Variants in NOS3 observed in about 807,000 individuals in gnomAD.
NOS3 encodes nitric oxide synthase 3.
Under a neutral mutation model 144.9 loss-of-function variants are expected in NOS3, and 98 were observed. The observed-to-expected ratio is 0.68, with a 90% CI of 0.57 to 0.80. The LOEUF is 0.80. Ranked by LOEUF, NOS3 falls within the 30% of genes least tolerant of loss-of-function variation. The pLI is 0.00. For synonymous variants in NOS3, 714 were observed against 702.4 expected, an observed-to-expected ratio of 1.02 and a Z score of -0.26; for missense variants, 1,465 against 1,656.4, an observed-to-expected ratio of 0.88 and a Z score of 2.01.
chr7:150,998,644 T>C lies in NOS3; in HGVS notation c.780T>C (p.Ser260=). 2 of 1,608,428 alleles carry C rather than the reference T, an allele frequency of 1.2e-6. No homozygotes were observed. Among genetic ancestry groups the C allele is most frequent in the Non-Finnish European group, 1.7e-6 (2 of 1,178,712 alleles). The change falls in exon 7 of 27, where the codon TCT becomes TCC. Residue 260 remains serine (S), a synonymous_variant. Coordinates refer to ENST00000297494, the MANE Select transcript of NOS3 (RefSeq NM_000603.5). The surrounding 1 kb of genome is among the most constrained non-coding windows in gnomAD (Gnocchi z 5.0). The part of the protein sequence containing the change: ...RYAGYRQQDG[S]VRGDPANVEI... ...CGGGCTACCGGCAGCAGGATGGCTC[T>C]GTGCGGGGGGACCCAGCCAACGTGG...
At position 151,007,196 on chromosome 7, in the gene NOS3, C is replaced by T. The variant is rs752392123; in HGVS notation, c.2032C>T (p.Arg678Trp). 1.9e-6 allele frequency: 3 copies of T among 1,612,506 alleles called. No homozygotes were observed. The highest frequency in any genetic ancestry group is 1.1e-5 in the South Asian group (1 of 91,052). Residue 678 changes from arginine to tryptophan, a missense_variant, in exon 17 of 27, where the codon CGG becomes TGG. Physicochemically the swap from Arg to Trp is moderately radical, Grantham distance 101. Transcript: ENST00000297494. ...ACGGCTGGAGGAACTGGGCGGGGAG[C>T]GGCTGCTGCAGCTGGGCCAGGGCGA... ...DTRLEELGGE[R>W]LLQLGQGDEL...
In NOS3 at chr7:151,011,566, T is replaced by C. The variant is rs182512915; in HGVS notation, c.2984+580T>C. ...GGTGGAGCTTGCAGTGAGCCAAGATTGTGCCACTGCACTCCAGCCTGGGCG... is the reference window on the plus strand; with the variant it reads ...GGTGGAGCTTGCAGTGAGCCAAGATCGTGCCACTGCACTCCAGCCTGGGCG... On this transcript the variant is annotated intron_variant, in intron 23 of 26. Transcript: ENST00000297494. Among the ~76,000 whole-genome samples the C allele has an allele frequency of 3.8e-3, 518 of 137,402 alleles. 2 individuals carry two copies. Among genetic ancestry groups the C allele is most frequent in the African/African-American group, 0.013 (488 of 37,532 alleles). The allele number at this position is 137,402 out of a possible 152,430, so 90.1% of individuals were successfully genotyped here. A position where few individuals can be genotyped will look rare whatever the true frequency, so the allele number is the denominator to read the frequency against.
chr7:151,008,160 A>C (rs975861002), intron 17 of NOS3, among the ~76,000 whole-genome samples: 16 of 152,226 alleles, frequency 1.1e-4, no homozygotes, highest in African/African-American at 3.9e-4. Flanking sequence ...CCATTACAGC[A>C]TCACCGAACC....
rs1584905989 is a variant in NOS3, at chr7:151,002,455, C to CACACACACACACACACACACACA, written c.1752+151_1752+152insACACACACACACACACACACACA. 1.9e-6 allele frequency: 1 copy of CACACACACACACACACACACACA among 528,578 alleles called. No homozygotes were observed. Among genetic ancestry groups the CACACACACACACACACACACACA allele is most frequent in the Non-Finnish European group, 3.4e-6 (1 of 296,226 alleles). The allele number at this position is 528,578 out of a possible 1,614,324, so 32.7% of individuals were successfully genotyped here. On this transcript the variant is annotated intron_variant, in intron 14 of 26. Transcript: ENST00000297494. This position sits in a 1 kb window ranked among gnomAD's most constrained non-coding sequence, Gnocchi z 4.1. ...ACACACACACACACACACACACACG[C>CACACACACACACACACACACACA]CAGGATGGAAAGGGAGATGCTAAGA... is the stretch of plus-strand genomic sequence containing the variant.
In NOS3 at chr7:151,013,656, C is replaced by T. The variant is rs573597496; in HGVS notation, c.3256-68C>T. On this transcript the variant is annotated intron_variant, in intron 25 of 26. Transcript: ENST00000297494. ...GGAGACTTTCACGTCCAGGGCCAGC[C>T]AGCAGCCCCGGGCTGCGCCCCCGCG... 19 of 1,392,700 alleles carry T rather than the reference C, an allele frequency of 1.4e-5. No homozygotes were observed. In the African/African-American group the frequency reaches 2.6e-4, roughly 19 times the overall value. The allele number at this position is 1,392,700 out of a possible 1,614,324, so 86.3% of individuals were successfully genotyped here.
chr7:151,004,716 A>G (rs1795179686), intron 14 of NOS3, among the ~76,000 whole-genome samples: 1 of 152,254 alleles, frequency 6.6e-6, no homozygotes, highest in Non-Finnish European at 1.5e-5. Flanking sequence ...TTCACTTTAT[A>G]TAAAGTTCAG....
At chr7:151,010,569 T>C in intron 21 of NOS3, 28 bp from the exon 22 acceptor site, 1 of 1,532,490 alleles carries the variant, frequency 6.5e-7, no homozygotes. Flanking sequence ...CTATGGGGCC[T>C]CCAACCCACT....
intron 25 of NOS3, 34 bp from the exon 26 acceptor site, chr7:151,013,690 C>G: frequency 6.6e-7 from 1 of 1,515,742 alleles, no homozygotes; most frequent in Non-Finnish European, 8.9e-7. Context: ...CGCCCACCCC[C>G]ACCAGGGCCC....
intron 4 of NOS3, 57 bp downstream of exon 4, chr7:150,996,609 C>G (rs1035029611): frequency 6.5e-6 from 10 of 1,541,950 alleles, no homozygotes; most frequent in Non-Finnish European, 8.8e-6. Context: ...CCAGAAACCC[C>G]GTGACGACCT....
chr7:150,998,792 G>A lies in NOS3; in HGVS notation c.816+112G>A. The A allele has an allele frequency of 6.1e-6, 9 of 1,478,488 alleles. No homozygotes were observed. Among genetic ancestry groups the A allele is most frequent in the Non-Finnish European group, 8.2e-6 (9 of 1,097,544 alleles). 91.6% of individuals were successfully genotyped at this position (1,478,488 alleles called of 1,614,324 possible). A position where few individuals can be genotyped will look rare whatever the true frequency, so the allele number is the denominator to read the frequency against. On this transcript the variant is annotated intron_variant, in intron 7 of 26. Transcript: ENST00000297494. This position sits in a 1 kb window ranked among gnomAD's most constrained non-coding sequence, Gnocchi z 5.0. ...AAGAGGGGAGCCTCGGTGAGATAAA[G>A]GATGAAAAACACCAAAGGAGGGGTG...
chr7:151,005,228 C>T (rs1190383692), intron 14 of NOS3, among the ~76,000 whole-genome samples: 1 of 152,194 alleles, frequency 6.6e-6, no homozygotes, highest in East Asian at 1.9e-4. Context: ...AACATGTGTG[C>T]ACCTCTGGAC....
Position 150,998,854 on chromosome 7 carries a change from C to G in NOS3, c.817-92C>G. ...ACGGAGACCCAGCCAATGAGGGACC[C>G]TGGAGATGAAGGCAGGAGACAGTGG... On this transcript the variant is annotated intron_variant, in intron 7 of 26. Coordinates refer to ENST00000297494, the MANE Select transcript of NOS3 (RefSeq NM_000603.5). This position sits in a 1 kb window ranked among gnomAD's most constrained non-coding sequence, Gnocchi z 5.0. 1 of 1,520,670 alleles carries G rather than the reference C, an allele frequency of 6.6e-7. No individual in the cohort carries two copies. Among genetic ancestry groups the G allele is most frequent in the Non-Finnish European group, 8.9e-7 (1 of 1,126,532 alleles). 94.2% of individuals were successfully genotyped at this position (1,520,670 alleles called of 1,614,324 possible).
Position 151,013,882 on chromosome 7 carries a change from G to C in NOS3, c.3414G>C (p.Glu1138Asp). Reference sequence around the variant, plus strand: ...TCCTGGCGACGGAGGGCGACATGGAGCTGGACGAGGCCGGCGACGTCATCG... The same window carrying C: ...TCCTGGCGACGGAGGGCGACATGGACCTGGACGAGGCCGGCGACGTCATCG... ...QRILATEGDM[E>D]LDEAGDVIGV... is the part of the protein sequence containing the mutation. The change falls in exon 26 of 27, where the codon GAG becomes GAC. Residue 1138 changes from glutamate (E) to aspartate (D), a missense_variant. Coordinates refer to ENST00000297494, the MANE Select transcript of NOS3 (RefSeq NM_000603.5). The C allele has an allele frequency of 1.2e-6, 2 of 1,601,510 alleles. No homozygotes were observed. The highest frequency in any genetic ancestry group is 1.7e-6 in the Non-Finnish European group (2 of 1,174,448).
rs1802288860 is a variant in NOS3 at position 150,993,071 on chromosome 7, G to T, written c.-51-682G>T. 6.6e-6 allele frequency among the ~76,000 whole-genome samples: 1 copy of T among 152,186 alleles called. No individual in the cohort carries two copies. The highest frequency in any genetic ancestry group is 2.1e-4 in the South Asian group (1 of 4,828). On this transcript the variant is annotated intron_variant, in intron 1 of 26. Transcript: ENST00000297494. The surrounding 1 kb of genome is among the most constrained non-coding windows in gnomAD (Gnocchi z 4.0). ...TGCGTCACTGAATGACAGGGTGGGG[G>T]TGGAGGCACTGGAAGGCAGCTTCCT...
chr7:151,011,804 G>A lies in NOS3; in HGVS notation c.2985-547G>A, dbSNP rs1476111424. On this transcript the variant is annotated intron_variant, in intron 23 of 26. Coordinates refer to ENST00000297494, the MANE Select transcript of NOS3 (RefSeq NM_000603.5). ...CTCCCAAAGTCTTGGGATTACAGGT[G>A]TGAGCCACCGCGCCCGGACCGAGGG... 6.8e-6 allele frequency: 3 copies of A among 439,800 alleles called. No individual in the cohort carries two copies. The East Asian group carries it at 2.3e-4, about 34-fold the overall frequency. 27.2% of individuals were successfully genotyped at this position (439,800 alleles called of 1,614,324 possible). A position where few individuals can be genotyped will look rare whatever the true frequency, so the allele number is the denominator to read the frequency against.
Position 151,002,681 on chromosome 7 carries a change from T to C in NOS3, c.1752+377T>C, listed in dbSNP as rs567616581. Among the ~76,000 whole-genome samples the C allele has an allele frequency of 1.6e-4, 25 of 152,286 alleles. No homozygotes were observed. The South Asian group carries it at 4.8e-3, about 29-fold the overall frequency. On this transcript the variant is annotated intron_variant, in intron 14 of 26. Coordinates refer to ENST00000297494, the MANE Select transcript of NOS3 (RefSeq NM_000603.5). The surrounding 1 kb of genome is among the most constrained non-coding windows in gnomAD (Gnocchi z 4.1). Reference sequence around the variant, plus strand: ...CACTGACAAGAAAAACAGGGATACGTCACTGAGGGCGGCTTCTAGGATGCG... The same window carrying C: ...CACTGACAAGAAAAACAGGGATACGCCACTGAGGGCGGCTTCTAGGATGCG...
At position 151,010,896 on chromosome 7, in the gene NOS3, C is replaced by A. The variant is rs775165647; in HGVS notation, c.2897-3C>A. On this transcript the variant is annotated splice_polypyrimidine_tract_variant and splice_region_variant and intron_variant, in intron 22 of 26. Transcript: ENST00000297494. ...CTCACCGGCCTCTCCTTCCCACCCC[C>A]AGATGGGCTGGGCCCCCTGCACTAT... The A allele has an allele frequency of 5.6e-6, 9 of 1,612,664 alleles. No individual in the cohort carries two copies. Among genetic ancestry groups the A allele is most frequent in the East Asian group, 2.2e-5 (1 of 44,872 alleles).
chr7:150,996,899 G>A lies in NOS3; in HGVS notation c.556G>A (p.Gly186Ser). 1 of 1,579,022 alleles carries A rather than the reference G, an allele frequency of 6.3e-7. No homozygotes were observed. Among genetic ancestry groups the A allele is most frequent in the Non-Finnish European group, 8.6e-7 (1 of 1,163,372 alleles). Reference sequence around the variant, plus strand: ...CTGGCGCAACGCTCCCCGCTGCGTGGGCCGGATCCAGTGGGGGAAGCTGCA... The same window carrying A: ...CTGGCGCAACGCTCCCCGCTGCGTGAGCCGGATCCAGTGGGGGAAGCTGCA... ...QAWRNAPRCV[G>S]RIQWGKLQVF... The change falls in exon 5 of 27, where the codon GGC becomes AGC. Residue 186 changes from glycine (G) to serine (S), a missense_variant. Gly to Ser is a moderately conservative substitution (Grantham distance 56, BLOSUM62 0). Transcript: ENST00000297494.
At chr7:151,009,293 C>G in intron 19 of NOS3, 26 bp downstream of exon 19, 3 of 1,589,348 alleles carry the variant, frequency 1.9e-6, no homozygotes, top group Non-Finnish European at 2.6e-6. Context: ...TTACCGCCCC[C>G]CCACCCCTGT....
Sources: gnomAD v4.1 joint callset for allele counts (sites outside exome capture counted in the v4.1 genomes callset) on GRCh38, gnomAD v4.1.1 for gene constraint, Gnocchi (gnomAD v3.1) non-coding constraint, MANE v1.5 for transcripts, NCBI Gene and HGNC (gene_info 2026-07-23, HGNC 2026-07-21) for gene names.